The following MARCO variants were observed in gnomAD, a reference collection of about 807,000 sequenced individuals.
MARCO encodes macrophage receptor MARCO.
MARCO carries 72 observed loss-of-function variants against 70.0 expected under a neutral mutation model. That is an observed-to-expected ratio of 1.03 (90% CI 0.85 to 1.25). The LOEUF (loss-of-function observed/expected upper bound fraction) is 1.25, where lower values mean the gene tolerates loss of function less well. Among genes scored for constraint, MARCO ranks in the 50% most tolerant of loss-of-function variants. The pLI is 0.00. For missense variants in MARCO, 696 were observed against 659.3 expected, an observed-to-expected ratio of 1.06 and a Z score of -0.61; for synonymous variants, 273 against 243.1, an observed-to-expected ratio of 1.12 and a Z score of -1.14.
chr2:118,985,929 C>T (rs1680475026), intron 12 of MARCO, among the ~76,000 whole-genome samples: 1 of 152,134 alleles, frequency 6.6e-6, no homozygotes, highest in South Asian at 2.1e-4. Flanking sequence ...GTGCAAATAA[C>T]TCAAAATCCA....
chr2:118,979,383 G>A (rs558287522), intron 8 of MARCO, among the ~76,000 whole-genome samples: 9 of 152,304 alleles, frequency 5.9e-5, no homozygotes, highest in African/African-American at 1.7e-4. Context: ...GAGGGGAGGA[G>A]GGGCTGCAGA....
rs900662640 is a variant in MARCO at position 118,970,211 on chromosome 2, A to G, written c.297A>G (p.Ser99=). Reference sequence around the variant, plus strand: ...GCCCGTCCTTCTCCTTGCTGCAGTCAGCACACCCTGGAGAACACCTGGCTC... The same window carrying G: ...GCCCGTCCTTCTCCTTGCTGCAGTCGGCACACCCTGGAGAACACCTGGCTC... ...EDSPSFSLLQ[S]AHPGEHLAQG... Residue 99 remains serine, a synonymous_variant, in exon 3 of 17, where the codon TCA becomes TCG. Coordinates refer to ENST00000327097, the MANE Select transcript of MARCO (RefSeq NM_006770.4). 3 of 1,613,998 alleles carry G rather than the reference A, an allele frequency of 1.9e-6. No individual in the cohort carries two copies. The highest frequency in any genetic ancestry group is 2.7e-5 in the African/African-American group (2 of 74,912).
chr2:118,959,232 C>G (rs76763877), intron 1 of MARCO, among the ~76,000 whole-genome samples: 1 of 152,150 alleles, frequency 6.6e-6, no homozygotes, highest in Non-Finnish European at 1.5e-5. Context: ...CTTCACAAAT[C>G]TATACATCGG....
Position 118,974,334 on chromosome 2 carries a change from T to A in MARCO, c.462T>A (p.Gly154=). The A allele has an allele frequency of 1.9e-6, 3 of 1,589,102 alleles. No homozygotes were observed. Among genetic ancestry groups the A allele is most frequent in the South Asian group, 1.1e-5 (1 of 87,808 alleles). ...AGTGTCTCTGTTCCTCTTCCTCAGG[T>A]CTTCAAGGTCACAAGGGGGCCATGG... ...FRIKGEQGAP[G]LQGHKGAMGM... The change falls in exon 5 of 17, where the codon GGT becomes GGA. Residue 154 remains glycine, a splice_region_variant and synonymous_variant. Coordinates refer to ENST00000327097, the MANE Select transcript of MARCO (RefSeq NM_006770.4).
rs182933805 is a variant in MARCO, at chr2:118,986,704, A to G, written c.1064-3885A>G. Among the ~76,000 whole-genome samples, 249 of 118,500 alleles carry G rather than the reference A, an allele frequency of 2.1e-3. 17 individuals carry two copies. Among genetic ancestry groups the G allele is most frequent in the Admixed American group, 0.016 (195 of 12,450 alleles). 77.7% of individuals were successfully genotyped at this position (118,500 alleles called of 152,430 possible). A position where few individuals can be genotyped will look rare whatever the true frequency, so the allele number is the denominator to read the frequency against. ...AAGAAAGAAAGAAAGAAAGAAAGAA[A>G]GAAAGAAAGAAAGAAAGAAAAGAAA... On this transcript the variant is annotated intron_variant, in intron 12 of 16. Transcript: ENST00000327097.
chr2:118,988,366 AGGGTGGTC>A (rs1680555566), intron 12 of MARCO, among the ~76,000 whole-genome samples: 1 of 151,974 alleles, frequency 6.6e-6, no homozygotes, highest in Non-Finnish European at 1.5e-5. Flanking sequence ...GTCACAATAA[AGGGTGGTC>A]ACAGTGTTTT....
chr2:118,993,723 C>G (rs761606616), intron 16 of MARCO, among the ~76,000 whole-genome samples: 2 of 152,222 alleles, frequency 1.3e-5, no homozygotes, highest in Non-Finnish European at 2.9e-5. Flanking sequence ...AGCAAGCAGT[C>G]TTGGCTGTGA....
intron 1 of MARCO, among the ~76,000 whole-genome samples, chr2:118,954,390 A>G (rs1387962883): frequency 2.0e-5 from 3 of 152,064 alleles, no homozygotes; most frequent in African/African-American, 4.8e-5. Flanking sequence ...TCTCACCCCT[A>G]TCCCCCACGG....
chr2:118,965,529 C>T (rs746651909), intron 1 of MARCO, among the ~76,000 whole-genome samples: 2 of 152,192 alleles, frequency 1.3e-5, no homozygotes, highest in Non-Finnish European at 2.9e-5. Flanking sequence ...GTTTTAACAT[C>T]TGTGTCATCT....
intron 1 of MARCO, among the ~76,000 whole-genome samples, chr2:118,965,798 A>G (rs1034980036): frequency 1.2e-4 from 19 of 152,104 alleles, no homozygotes; most frequent in African/African-American, 4.1e-4. Context: ...CGTTATTTTG[A>G]TCCACTTTGT....
chr2:118,966,165 G>A (rs926458635), intron 1 of MARCO, among the ~76,000 whole-genome samples: 1 of 152,074 alleles, frequency 6.6e-6, no homozygotes, highest in Non-Finnish European at 1.5e-5. Context: ...TTCTTCACTG[G>A]GATCTTTTAC....
chr2:118,990,567 C>CTG, intron 12 of MARCO, 22 bp from the exon 13 acceptor site: 2 of 1,573,614 alleles, frequency 1.3e-6, no homozygotes, highest in Non-Finnish European at 1.7e-6. Context: ...CCTCCCCCCC[C>CTG]CCTTTTTTGT....
intron 9 of MARCO, 26 bp from the exon 10 acceptor site, chr2:118,981,595 T>A (rs773078541): frequency 2.0e-5 from 32 of 1,606,430 alleles, no homozygotes; most frequent in Non-Finnish European, 2.3e-5. Context: ...GAAAAAAAAA[T>A]TCCTAAAAGT....
intron 1 of MARCO, among the ~76,000 whole-genome samples, chr2:118,942,650 CCT>C (rs1228387105): frequency 6.6e-6 from 1 of 151,888 alleles, no homozygotes; most frequent in East Asian, 1.9e-4. Flanking sequence ...AAATATTTTC[CCT>C]TGAAAAAATG....
At chr2:118,970,442 C>T in intron 3 of MARCO, 104 bp downstream of exon 3, 3 of 861,156 alleles carry the variant, frequency 3.5e-6, no homozygotes, top group South Asian at 3.2e-5. Flanking sequence ...AAAGTGTGAC[C>T]TCCAAGAGCC....
chr2:118,942,256 C>G lies in MARCO; in HGVS notation c.-45C>G. On this transcript the variant is annotated 5_prime_UTR_variant, in exon 1 of 17. Coordinates refer to ENST00000327097, the MANE Select transcript of MARCO (RefSeq NM_006770.4). Reference sequence around the variant, plus strand: ...TCCAAGTGGTTCCTCTTGAGGGGAGCATTTCTGCTGGCTCCAGGACTTTGG... The same window carrying G: ...TCCAAGTGGTTCCTCTTGAGGGGAGGATTTCTGCTGGCTCCAGGACTTTGG... 1 of 1,299,548 alleles carries G rather than the reference C, an allele frequency of 7.7e-7. No individual in the cohort carries two copies. 80.5% of individuals were successfully genotyped at this position (1,299,548 alleles called of 1,614,324 possible).
At position 118,974,380 on chromosome 2, in the gene MARCO, C is replaced by G; in HGVS notation, c.508C>G (p.Pro170Ala). 6.2e-7 allele frequency: 1 copy of G among 1,610,794 alleles called. No individual in the cohort carries two copies. Among genetic ancestry groups the G allele is most frequent in the Non-Finnish European group, 8.5e-7 (1 of 1,178,806 alleles). Residue 170 changes from proline to alanine, a missense_variant, in exon 5 of 17, where the codon CCG becomes GCG. Coordinates refer to ENST00000327097, the MANE Select transcript of MARCO (RefSeq NM_006770.4). Reference sequence around the variant, plus strand: ...CATGGGCATGCCTGGTGCCCCTGGCCCGCCGGGACCACCTGCTGAGAAGGG... The same window carrying G: ...CATGGGCATGCCTGGTGCCCCTGGCGCGCCGGGACCACCTGCTGAGAAGGG... ...GAMGMPGAPG[P>A]PGPPAEKGAK...
intron 4 of MARCO, 105 bp from the exon 5 acceptor site, chr2:118,974,228 T>A (rs1308190964): frequency 5.4e-6 from 4 of 747,380 alleles, no homozygotes; most frequent in Admixed American, 4.1e-5. Context: ...CTCATCCCCA[T>A]GCTCAGTGAA....
chr2:118,990,569 C>CGGGGGGGGGGTGTGG lies in MARCO; in HGVS notation c.1064-20_1064-19insGGGGGGGGGGTGTGG. On this transcript the variant is annotated intron_variant, in intron 12 of 16. Transcript: ENST00000327097. The stretch of plus-strand genomic sequence containing the variant: ...AGTTTTATTATCTCCTCCCCCCCCC[C>CGGGGGGGGGGTGTGG]TTTTTTGTTTTGATCTTAGGACTTC... 7.1e-7 allele frequency: 1 copy of CGGGGGGGGGGTGTGG among 1,415,986 alleles called. No individual in the cohort carries two copies. The highest frequency in any genetic ancestry group is 9.7e-7 in the Non-Finnish European group (1 of 1,028,340). The allele number at this position is 1,415,986 out of a possible 1,614,324, so 87.7% of individuals were successfully genotyped here. A position where few individuals can be genotyped will look rare whatever the true frequency, so the allele number is the denominator to read the frequency against.
Sources: allele counts gnomAD v4.1 joint callset (sites outside exome capture counted in the v4.1 genomes callset), GRCh38; gene constraint gnomAD v4.1.1; transcripts MANE v1.5; gene names NCBI Gene and HGNC (gene_info 2026-07-23, HGNC 2026-07-21).